Variants in ZNF423 observed in about 807,000 individuals in gnomAD.
ZNF423 encodes the protein zinc finger protein 423.
A neutral mutation model predicts 95.8 loss-of-function variants in ZNF423; 12 were observed. The observed-to-expected ratio is 0.13, with a 90% CI of 0.08 to 0.20. The LOEUF (loss-of-function observed/expected upper bound fraction) is 0.20, where lower values mean the gene tolerates loss of function less well. Among genes scored for constraint, ZNF423 ranks in the 10% least tolerant of loss-of-function variants. The pLI, the probability that ZNF423 is intolerant of heterozygous loss-of-function variation, is 1.00. For missense variants in ZNF423, 1,316 were observed against 1,737.1 expected (o/e 0.76, Z 4.31); for synonymous variants, 749 against 711.9 (o/e 1.05, Z -0.83).
At chr16:49,646,096 G>A (rs1410119123) in intron 3 of ZNF423, among the ~76,000 whole-genome samples, 2 of 152,212 alleles carry the variant, frequency 1.3e-5, no homozygotes, top group African/African-American at 4.8e-5. Flanking sequence ...TAGGTCAGCT[G>A]TGACATCAGC....
At chr16:49,575,594 A>C (rs1385242459) in intron 5 of ZNF423, among the ~76,000 whole-genome samples, 1 of 152,194 alleles carries the variant, frequency 6.6e-6, no homozygotes, top group Non-Finnish European at 1.5e-5. Flanking sequence ...AAATGAAACC[A>C]GGACAGGCCA....
At chr16:49,645,447 C>G (rs1221914776) in intron 3 of ZNF423, among the ~76,000 whole-genome samples, 1 of 152,208 alleles carries the variant, frequency 6.6e-6, no homozygotes, top group Non-Finnish European at 1.5e-5. Context: ...CTGCAATCAA[C>G]TGATGATGTC....
intron 2 of ZNF423, among the ~76,000 whole-genome samples, chr16:49,774,823 T>G (rs1001338121): frequency 2.6e-5 from 4 of 152,094 alleles, no homozygotes; most frequent in Non-Finnish European, 4.4e-5. Flanking sequence ...CAAACTGTGT[T>G]CCAAGATTCC....
intron 7 of ZNF423, among the ~76,000 whole-genome samples, chr16:49,502,790 GACACACACACAC>G (rs72202996): frequency 5.9e-5 from 8 of 135,346 alleles, no homozygotes; most frequent in Non-Finnish European, 9.3e-5. Flanking sequence ...AAATACTCTA[GACACACACACAC>G]ACACACACAC....
intron 2 of ZNF423, among the ~76,000 whole-genome samples, chr16:49,737,227 G>A (rs1194313775): frequency 6.6e-6 from 1 of 150,504 alleles, no homozygotes; most frequent in Non-Finnish European, 1.5e-5. Flanking sequence ...GCCAGGAAGG[G>A]CAGAGAGGAA....
chr16:49,769,985 A>T (rs2034003516), intron 2 of ZNF423, among the ~76,000 whole-genome samples: 1 of 150,842 alleles, frequency 6.6e-6, no homozygotes. Flanking sequence ...ACCTCCCACC[A>T]CTCTATCTAT....
intron 3 of ZNF423, among the ~76,000 whole-genome samples, chr16:49,688,768 G>A (rs1489758614): frequency 1.3e-5 from 2 of 152,238 alleles, no homozygotes; most frequent in Non-Finnish European, 2.9e-5. Flanking sequence ...AACTCCCGAT[G>A]CCAGCAGGCA....
chr16:49,493,962 G>A (rs1028300832), intron 7 of ZNF423, among the ~76,000 whole-genome samples: 9 of 152,142 alleles, frequency 5.9e-5, no homozygotes, highest in African/African-American at 2.2e-4. Flanking sequence ...CATGATATTC[G>A]ATCTCCACAA....
chr16:49,775,474 TCA>T (rs372468291), intron 2 of ZNF423, among the ~76,000 whole-genome samples: 2 of 152,158 alleles, frequency 1.3e-5, no homozygotes, highest in African/African-American at 4.8e-5. Flanking sequence ...TTAGTAATCA[TCA>T]CAGTTAGCAC....
chr16:49,584,870 G>A (rs75606699), intron 5 of ZNF423, among the ~76,000 whole-genome samples: 12,195 of 152,194 alleles, frequency 0.08, 661 homozygotes, highest in East Asian at 0.15. Context: ...AGAATGCACC[G>A]GGAACATAAT....
At chr16:49,850,567 C>A (rs1246278222) in intron 1 of ZNF423, among the ~76,000 whole-genome samples, 1 of 152,190 alleles carries the variant, frequency 6.6e-6, no homozygotes, top group Non-Finnish European at 1.5e-5. Context: ...TTTGCAAACA[C>A]CAGCGTGCCG....
intron 7 of ZNF423, among the ~76,000 whole-genome samples, chr16:49,522,073 G>T (rs1282317881): frequency 6.6e-6 from 1 of 152,194 alleles, no homozygotes; most frequent in Non-Finnish European, 1.5e-5. Flanking sequence ...GGTGTAAGTG[G>T]CCCCAGCCTT....
At chr16:49,611,302 G>A (rs938895025) in intron 5 of ZNF423, among the ~76,000 whole-genome samples, 1 of 151,974 alleles carries the variant, frequency 6.6e-6, no homozygotes, top group Non-Finnish European at 1.5e-5. Context: ...CATACATAGT[G>A]TTTTTTCCTA....
At chr16:49,824,759 T>G (rs1231651642) in intron 1 of ZNF423, among the ~76,000 whole-genome samples, 1 of 152,172 alleles carries the variant, frequency 6.6e-6, no homozygotes, top group East Asian at 1.9e-4. Context: ...GACCCCTTGC[T>G]TTCCCTTCCT....
chr16:49,528,923 G>A (rs373003875), intron 5 of ZNF423, among the ~76,000 whole-genome samples: 51 of 152,068 alleles, frequency 3.4e-4, no homozygotes, highest in African/African-American at 1.2e-3. Context: ...ACAACCTCTC[G>A]TTCCACCCCA....
At chr16:49,578,279 C>A (rs1041664233) in intron 5 of ZNF423, among the ~76,000 whole-genome samples, 9 of 152,252 alleles carry the variant, frequency 5.9e-5, no homozygotes, top group African/African-American at 2.2e-4. Context: ...CTATCCATAG[C>A]AGCTGGAACA....
intron 5 of ZNF423, among the ~76,000 whole-genome samples, chr16:49,601,822 G>A (rs907252489): frequency 2.0e-5 from 3 of 152,250 alleles, no homozygotes; most frequent in Admixed American, 1.3e-4. Context: ...TGTCTTCCTA[G>A]AGGAAGCAGG....
chr16:49,764,035 G>C (rs913810685), intron 2 of ZNF423, among the ~76,000 whole-genome samples: 1 of 152,196 alleles, frequency 6.6e-6, no homozygotes, highest in East Asian at 1.9e-4. Context: ...ACAGGAAAGG[G>C]GCTGTGTCTG....
intron 2 of ZNF423, 43 bp from the exon 3 acceptor site, chr16:49,731,014 T>A (rs1051974085): frequency 6.2e-7 from 1 of 1,601,812 alleles, no homozygotes; most frequent in East Asian, 2.2e-5. Flanking sequence ...TGATGGGGTC[T>A]TGGGAAAGGG....
Sources: allele counts gnomAD v4.1 joint callset (sites outside exome capture counted in the v4.1 genomes callset), GRCh38; gene constraint gnomAD v4.1.1; transcripts MANE v1.5; gene names NCBI Gene and HGNC (gene_info 2026-07-23, HGNC 2026-07-21).